CNTNAP4: variants seen among roughly 807,000 people sequenced by gnomAD.
CNTNAP4 encodes contactin associated protein family member 4.
A neutral mutation model predicts 148.4 loss-of-function variants in CNTNAP4; 98 were observed. The observed-to-expected ratio is 0.66, with a 90% CI of 0.56 to 0.78. The LOEUF is 0.78. Ranked by LOEUF, CNTNAP4 falls within the 30% of genes least tolerant of loss-of-function variation. The pLI is 0.00. For synonymous variants in CNTNAP4, 730 were observed against 565.1 expected, an observed-to-expected ratio of 1.29 and a Z score of -4.14; for missense variants, 1,935 against 1,565.6, an observed-to-expected ratio of 1.24 and a Z score of -3.98.
chr16:76,359,448 T>C (rs1287523755), intron 3 of CNTNAP4, among the ~76,000 whole-genome samples: 1 of 150,510 alleles, frequency 6.6e-6, no homozygotes, highest in Non-Finnish European at 1.5e-5. Context: ...CCTCATTTGG[T>C]CTCACTTTGA....
chr16:76,467,537 C>A lies in CNTNAP4; in HGVS notation c.1655+14C>A. 1.3e-6 allele frequency: 2 copies of A among 1,574,070 alleles called. No individual in the cohort carries two copies. Among genetic ancestry groups the A allele is most frequent in the Non-Finnish European group, 1.7e-6 (2 of 1,162,378 alleles). On this transcript the variant is annotated intron_variant, in intron 10 of 23. Coordinates refer to ENST00000611870, the MANE Select transcript of CNTNAP4 (RefSeq NM_033401.5). ...CATCTCAGACAGGTAAGGGCAATCT[C>A]ACTTCATTTTGACCTGCTTTCAAAC...
chr16:76,421,671 A>T (rs1157433900), intron 3 of CNTNAP4, among the ~76,000 whole-genome samples: 1 of 144,384 alleles, frequency 6.9e-6, no homozygotes, highest in Non-Finnish European at 1.5e-5. Context: ...GCTATGATTT[A>T]TTTAGCATCT....
At chr16:76,516,697 T>A (rs1053256680) in intron 15 of CNTNAP4, among the ~76,000 whole-genome samples, 1 of 152,254 alleles carries the variant, frequency 6.6e-6, no homozygotes, top group African/African-American at 2.4e-5. Flanking sequence ...AATATATCCA[T>A]ACCATGGAAT....
intron 3 of CNTNAP4, among the ~76,000 whole-genome samples, chr16:76,369,575 C>T (rs2014557505): frequency 2.0e-5 from 3 of 152,320 alleles, no homozygotes; most frequent in South Asian, 4.1e-4. Flanking sequence ...GGCACAGTAG[C>T]TCATGCCTGT....
rs1349573082 is a variant in CNTNAP4, at chr16:76,553,972, G to A, written c.3733+65G>A. 12 of 1,043,244 alleles carry A rather than the reference G, an allele frequency of 1.2e-5. No individual in the cohort carries two copies. The East Asian group carries it at 1.2e-4, about 11-fold the overall frequency. The allele number at this position is 1,043,244 out of a possible 1,614,324, so 64.6% of individuals were successfully genotyped here. ...TATTAATAATGATGATGAATATTTAGCATTGTAGAAACTGTGAAGAATCTG... is the reference window on the plus strand; with the variant it reads ...TATTAATAATGATGATGAATATTTAACATTGTAGAAACTGTGAAGAATCTG... On this transcript the variant is annotated intron_variant, in intron 23 of 23. Transcript: ENST00000611870.
intron 3 of CNTNAP4, among the ~76,000 whole-genome samples, chr16:76,427,176 T>C (rs898299880): frequency 6.6e-6 from 1 of 152,204 alleles, no homozygotes; most frequent in Non-Finnish European, 1.5e-5. Flanking sequence ...ATCTACACTT[T>C]ACAGAAGCAA....
chr16:76,533,831 G>C (rs529338920), intron 17 of CNTNAP4, among the ~76,000 whole-genome samples: 1 of 152,232 alleles, frequency 6.6e-6, no homozygotes, highest in South Asian at 2.1e-4. Context: ...TTTATAAATA[G>C]ATTTATAAAT....
At chr16:76,486,014 A>G (rs973408716) in intron 12 of CNTNAP4, among the ~76,000 whole-genome samples, 1 of 152,226 alleles carries the variant, frequency 6.6e-6, no homozygotes, top group Admixed American at 6.5e-5. Flanking sequence ...CTTAAACAGC[A>G]TGTTTTCACT....
At chr16:76,408,051 T>C (rs530324446) in intron 3 of CNTNAP4, among the ~76,000 whole-genome samples, 13 of 150,930 alleles carry the variant, frequency 8.6e-5, no homozygotes, top group Non-Finnish European at 1.3e-4. Flanking sequence ...ACTGAGATTA[T>C]GATTAGTATT....
At chr16:76,533,025 A>G (rs1421678134) in intron 17 of CNTNAP4, among the ~76,000 whole-genome samples, 1 of 152,206 alleles carries the variant, frequency 6.6e-6, no homozygotes, top group African/African-American at 2.4e-5. Context: ...TATTGAAAAG[A>G]CAGCTGCACC....
At chr16:76,341,757 G>T (rs1437271139) in intron 2 of CNTNAP4, among the ~76,000 whole-genome samples, 1 of 152,092 alleles carries the variant, frequency 6.6e-6, no homozygotes, top group Admixed American at 6.5e-5. Context: ...AATCATTGTA[G>T]CCACAAGCAT....
At chr16:76,329,189 T>C (rs921617104) in intron 2 of CNTNAP4, among the ~76,000 whole-genome samples, 2 of 152,174 alleles carry the variant, frequency 1.3e-5, no homozygotes, top group Non-Finnish European at 2.9e-5. Flanking sequence ...AAAAATGCAA[T>C]GCAAAAATTA....
chr16:76,380,121 A>G (rs774209777), intron 3 of CNTNAP4, among the ~76,000 whole-genome samples: 10 of 152,224 alleles, frequency 6.6e-5, no homozygotes, highest in African/African-American at 1.2e-4. Context: ...TTAGAGTTCA[A>G]TTATGCTGGA....
At chr16:76,490,902 T>C (rs1377544106) in intron 13 of CNTNAP4, among the ~76,000 whole-genome samples, 1 of 152,198 alleles carries the variant, frequency 6.6e-6, no homozygotes, top group Admixed American at 6.5e-5. Context: ...TTCTTTCATG[T>C]TCACTCCTGC....
chr16:76,538,172 T>C lies in CNTNAP4; in HGVS notation c.3052T>C (p.Tyr1018His). Residue 1018 changes from tyrosine to histidine, a missense_variant, in exon 19 of 24, where the codon TAT becomes CAT. By Grantham distance (83) the Tyr-to-His change is moderately conservative. Coordinates refer to ENST00000611870, the MANE Select transcript of CNTNAP4 (RefSeq NM_033401.5). ...SSVIYNFQENYLLSKNSSSHA... is the reference protein window; with the variant it reads ...SSVIYNFQENHLLSKNSSSHA... ...CGTGATATACAATTTTCAAGAAAATTATCTTTTAAGTAAAAACTCCAGCTC... is the reference window on the plus strand; with the variant it reads ...CGTGATATACAATTTTCAAGAAAATCATCTTTTAAGTAAAAACTCCAGCTC... 6.3e-7 allele frequency: 1 copy of C among 1,598,974 alleles called. No individual in the cohort carries two copies. The highest frequency in any genetic ancestry group is 8.5e-7 in the Non-Finnish European group (1 of 1,174,260).
At chr16:76,452,149 A>C (rs751583850) in intron 7 of CNTNAP4, among the ~76,000 whole-genome samples, 8 of 151,186 alleles carry the variant, frequency 5.3e-5, no homozygotes, top group Non-Finnish European at 1.2e-4. Context: ...TTGTTATTTC[A>C]TTCATTGGAA....
chr16:76,342,117 T>G (rs1295924004), intron 2 of CNTNAP4, among the ~76,000 whole-genome samples: 2 of 152,152 alleles, frequency 1.3e-5, no homozygotes, highest in Admixed American at 6.6e-5. Flanking sequence ...TCAAGAATCA[T>G]GCAAATCAGA....
At chr16:76,424,161 G>A (rs1431573919) in intron 3 of CNTNAP4, among the ~76,000 whole-genome samples, 2 of 152,108 alleles carry the variant, frequency 1.3e-5, no homozygotes, top group African/African-American at 2.4e-5. Context: ...AAAAGTGAAA[G>A]GCTGTCATTT....
chr16:76,491,355 A>G (rs2143796553), intron 13 of CNTNAP4, among the ~76,000 whole-genome samples: 1 of 152,318 alleles, frequency 6.6e-6, no homozygotes, highest in East Asian at 1.9e-4. Context: ...TAGAACATAG[A>G]TAGATGAAAC....
Sources: allele counts gnomAD v4.1 joint callset (sites outside exome capture counted in the v4.1 genomes callset), GRCh38; gene constraint gnomAD v4.1.1; transcripts MANE v1.5; gene names NCBI Gene and HGNC (gene_info 2026-07-23, HGNC 2026-07-21).